Variants in WWOX observed in about 807,000 individuals in gnomAD.
The protein encoded by WWOX is WW domain containing oxidoreductase, also known as WW domain-containing oxidoreductase.
In WWOX, 69 loss-of-function variants were observed where a neutral mutation model predicts 46.2. The observed-to-expected ratio is 1.49, with a 90% CI of 1.23 to 1.82. The LOEUF (loss-of-function observed/expected upper bound fraction) is 1.82. WWOX is among the 40% of genes most tolerant of loss of function. The pLI is 0.00. For synonymous variants in WWOX, 359 were observed against 202.6 expected, an observed-to-expected ratio of 1.77 and a Z score of -6.56; for missense variants, 919 against 542.6, an observed-to-expected ratio of 1.69 and a Z score of -6.89.
intron 8 of WWOX, chr16:78,535,196 C>T (rs1468705464): frequency 4.6e-5 from 7 of 152,180 alleles, no homozygotes; most frequent in Admixed American, 3.3e-4. Context: ...TGCAGATGGA[C>T]ACAGGATCTG....
intron 8 of WWOX, among the ~76,000 whole-genome samples, chr16:78,541,102 G>C (rs1339230859): frequency 6.6e-6 from 1 of 152,118 alleles, no homozygotes; most frequent in African/African-American, 2.4e-5. Flanking sequence ...AATATATTTT[G>C]AGACCTGACA....
chr16:79,058,087 G>A (rs2048295308), intron 8 of WWOX, among the ~76,000 whole-genome samples: 1 of 147,190 alleles, frequency 6.8e-6, no homozygotes. Flanking sequence ...CTTAGCCAGA[G>A]TAGGAGATAT....
chr16:78,876,873 G>A (rs1458236525), intron 8 of WWOX, among the ~76,000 whole-genome samples: 1 of 152,130 alleles, frequency 6.6e-6, no homozygotes, highest in African/African-American at 2.4e-5. Flanking sequence ...CTAGTTTGGG[G>A]CATAAAATAA....
chr16:78,937,585 G>A (rs1003660804), intron 8 of WWOX, among the ~76,000 whole-genome samples: 7 of 147,778 alleles, frequency 4.7e-5, no homozygotes, highest in East Asian at 4.0e-4. Context: ...ATCTGCCACC[G>A]TGCCCAGCTA....
intron 8 of WWOX, among the ~76,000 whole-genome samples, chr16:78,454,139 A>T (rs781384689): frequency 1.3e-5 from 2 of 152,138 alleles, no homozygotes; most frequent in Non-Finnish European, 2.9e-5. Context: ...TTTCTTGAGG[A>T]TTGGTCTCCG....
rs182590513 is a variant in WWOX, at chr16:78,729,410, C to T, written c.1056+296658C>T. Among the ~76,000 whole-genome samples, 23 of 151,774 alleles carry T rather than the reference C, an allele frequency of 1.5e-4. No homozygotes were observed. The East Asian group carries it at 4.3e-3, about 28-fold the overall frequency. ...CATGCACATCCTAATTCCTGTAACA[C>T]GTGGATATGCCCTTACTTGGAAAAA... is the stretch of plus-strand genomic sequence containing the variant. On this transcript the variant is annotated intron_variant, in intron 8 of 8. Coordinates refer to ENST00000566780, the MANE Select transcript of WWOX (RefSeq NM_016373.4).
intron 8 of WWOX, among the ~76,000 whole-genome samples, chr16:78,845,752 A>T (rs1437399635): frequency 6.6e-6 from 1 of 152,306 alleles, no homozygotes; most frequent in African/African-American, 2.4e-5. Flanking sequence ...AGGTTGAGAT[A>T]TGTACTAATC....
intron 8 of WWOX, among the ~76,000 whole-genome samples, chr16:78,816,436 G>C (rs138090391): frequency 6.7e-6 from 1 of 149,402 alleles, no homozygotes; most frequent in Non-Finnish European, 1.5e-5. Context: ...GAAATGGAGG[G>C]CTTTTAAAAG....
chr16:79,155,789 G>T (rs1048911117), intron 8 of WWOX, among the ~76,000 whole-genome samples: 4 of 151,510 alleles, frequency 2.6e-5, no homozygotes, highest in Middle Eastern at 3.4e-3. Flanking sequence ...AAAAGCCAGA[G>T]TTTTTTTTTC....
chr16:79,026,856 C>G (rs1442286905), intron 8 of WWOX, among the ~76,000 whole-genome samples: 3 of 148,792 alleles, frequency 2.0e-5, no homozygotes, highest in African/African-American at 7.5e-5. Flanking sequence ...GTCTCAATCT[C>G]CTGACCTTGT....
intron 8 of WWOX, among the ~76,000 whole-genome samples, chr16:78,967,639 C>T (rs1428302582): frequency 1.3e-5 from 2 of 151,878 alleles, no homozygotes; most frequent in African/African-American, 2.4e-5. Context: ...ATACAGGAAA[C>T]AGCCAAGACT....
At chr16:78,694,326 C>T (rs1262511783) in intron 8 of WWOX, among the ~76,000 whole-genome samples, 3 of 152,180 alleles carry the variant, frequency 2.0e-5, no homozygotes, top group Non-Finnish European at 4.4e-5. Flanking sequence ...CTACAAGCTG[C>T]GACCATGGTC....
chr16:78,788,291 T>C (rs746421816), intron 8 of WWOX, among the ~76,000 whole-genome samples: 2 of 152,152 alleles, frequency 1.3e-5, no homozygotes, highest in South Asian at 4.1e-4. Context: ...ATAACTCTCA[T>C]AGCCCTTGTT....
intron 8 of WWOX, among the ~76,000 whole-genome samples, chr16:79,146,666 C>T (rs1333782957): frequency 6.6e-6 from 1 of 152,148 alleles, no homozygotes; most frequent in Non-Finnish European, 1.5e-5. Flanking sequence ...GGTTCATTCA[C>T]TCAGCAAGTG....
intron 8 of WWOX, among the ~76,000 whole-genome samples, chr16:79,133,749 G>C (rs1035194256): frequency 2.0e-5 from 3 of 152,168 alleles, no homozygotes; most frequent in African/African-American, 7.2e-5. Context: ...TTTCCTAATG[G>C]TGGCTGGTCA....
chr16:78,494,674 G>A (rs983385661), intron 8 of WWOX, among the ~76,000 whole-genome samples: 1 of 152,158 alleles, frequency 6.6e-6, no homozygotes, highest in African/African-American at 2.4e-5. Context: ...CTGGCTTAAT[G>A]GACAACATAT....
intron 8 of WWOX, among the ~76,000 whole-genome samples, chr16:79,028,672 C>T (rs940586448): frequency 6.6e-6 from 1 of 151,668 alleles, no homozygotes; most frequent in African/African-American, 2.4e-5. Flanking sequence ...TTTCTTTCGA[C>T]ATTACACATA....
chr16:78,432,878 C>A, intron 8 of WWOX, 126 bp downstream of exon 8: 1 of 1,415,966 alleles, frequency 7.1e-7, no homozygotes, highest in Non-Finnish European at 9.9e-7. Context: ...TCCAGCCCAT[C>A]ATAAAGGGCT....
intron 4 of WWOX, among the ~76,000 whole-genome samples, chr16:78,159,266 T>C (rs1167338184): frequency 6.6e-6 from 1 of 152,130 alleles, no homozygotes; most frequent in Non-Finnish European, 1.5e-5. Context: ...GCAGTGAACA[T>C]GAGAGGGCAG....
Sources: allele counts gnomAD v4.1 joint callset (sites outside exome capture counted in the v4.1 genomes callset), GRCh38; gene constraint gnomAD v4.1.1; transcripts MANE v1.5; gene names NCBI Gene and HGNC (gene_info 2026-07-23, HGNC 2026-07-21).